Variants in WDR19 observed in about 807,000 individuals in gnomAD.
The protein encoded by WDR19 is WD repeat domain 19.
A neutral mutation model predicts 180.0 loss-of-function variants in WDR19; 121 were observed. That is an observed-to-expected ratio of 0.67 (90% CI 0.58 to 0.78). The LOEUF is 0.78. Ranked by LOEUF, WDR19 falls within the 30% of genes least tolerant of loss-of-function variation. The probability of loss-of-function intolerance (pLI) is 0.00; values close to 1 mark genes in which losing one functional copy is unlikely to be tolerated. For missense variants in WDR19, 1,450 were observed against 1,640.7 expected (o/e 0.88, Z 2.01); for synonymous variants, 497 against 540.7 (o/e 0.92, Z 1.12).
At chr4:39,264,305 C>T (rs187339773) in intron 28 of WDR19, among the ~76,000 whole-genome samples, 2 of 152,334 alleles carry the variant, frequency 1.3e-5, no homozygotes, top group East Asian at 3.8e-4. Flanking sequence ...CCAAAGCCAT[C>T]CACAGAAGCC....
At chr4:39,279,255 A>ATC (rs1189043045) in intron 36 of WDR19, among the ~76,000 whole-genome samples, 1 of 152,228 alleles carries the variant, frequency 6.6e-6, no homozygotes, top group Non-Finnish European at 1.5e-5. Context: ...CTGACACAGC[A>ATC]TCTCACACTT....
At position 39,277,096 on chromosome 4, in the gene WDR19, C is replaced by G; in HGVS notation, c.3793C>G (p.Leu1265Val). 6.2e-7 allele frequency: 1 copy of G among 1,613,890 alleles called. No homozygotes were observed. The highest frequency in any genetic ancestry group is 8.5e-7 in the Non-Finnish European group (1 of 1,179,834). ...CAAATTTCTTCTCCCAGAGTGTGAACTCCTCTGTCCTGGATGTAAAAACAG... is the reference window on the plus strand; with the variant it reads ...CAAATTTCTTCTCCCAGAGTGTGAAGTCCTCTGTCCTGGATGTAAAAACAG... ...FCKFLLPECELLCPGCKNSIP... is the reference protein window; with the variant it reads ...FCKFLLPECEVLCPGCKNSIP... Residue 1265 changes from leucine (L) to valine (V), a missense_variant, in exon 34 of 37, where the codon CTC becomes GTC. Coordinates refer to ENST00000399820, the MANE Select transcript of WDR19 (RefSeq NM_025132.4).
chr4:39,255,874 T>G lies in WDR19; in HGVS notation c.3028T>G (p.Tyr1010Asp). The change falls in exon 27 of 37, where the codon TAT becomes GAT. Residue 1010 changes from tyrosine (Y) to aspartate (D), a missense_variant. By Grantham distance (160) the Tyr-to-Asp change is radical. Transcript: ENST00000399820. ...IGSEDTTNEDYQSIALYFEGE... is the reference protein window; with the variant it reads ...IGSEDTTNEDDQSIALYFEGE... ...TTCTGAAGACACTACTAATGAAGAC[T>G]ATCAAAGCATTGCCTTATACTTTGA... The G allele has an allele frequency of 6.2e-7, 1 of 1,605,200 alleles. No homozygotes were observed. Among genetic ancestry groups the G allele is most frequent in the East Asian group, 2.2e-5 (1 of 44,742 alleles).
chr4:39,205,305 A>G, intron 8 of WDR19, 39 bp downstream of exon 8: 2 of 1,488,330 alleles, frequency 1.3e-6, no homozygotes, highest in South Asian at 1.2e-5. Context: ...AAAGCTCATT[A>G]CAGAAGGACA....
intron 14 of WDR19, among the ~76,000 whole-genome samples, chr4:39,222,135 G>A (rs1236425094): frequency 6.6e-6 from 1 of 152,108 alleles, no homozygotes; most frequent in East Asian, 1.9e-4. Flanking sequence ...GATGTGTAGT[G>A]GTATCATTGT....
At chr4:39,249,919 A>G (rs552521645) in intron 24 of WDR19, among the ~76,000 whole-genome samples, 1 of 152,308 alleles carries the variant, frequency 6.6e-6, no homozygotes, top group East Asian at 1.9e-4. Flanking sequence ...CAGAGGTACA[A>G]GGAGGAGCTG....
intron 28 of WDR19, among the ~76,000 whole-genome samples, chr4:39,262,424 A>G (rs1203028676): frequency 6.6e-6 from 1 of 152,058 alleles, no homozygotes; most frequent in Non-Finnish European, 1.5e-5. Context: ...TTATTTTTGT[A>G]GAGATGGGTT....
intron 14 of WDR19, among the ~76,000 whole-genome samples, chr4:39,224,273 G>A (rs1577922489): frequency 6.6e-6 from 1 of 152,044 alleles, no homozygotes. Context: ...GGTATTTCTA[G>A]CAAGTAGGAA....
At chr4:39,236,588 T>C (rs540498119) in intron 20 of WDR19, among the ~76,000 whole-genome samples, 6 of 152,200 alleles carry the variant, frequency 3.9e-5, no homozygotes, top group Non-Finnish European at 7.3e-5. Flanking sequence ...AGACCTCCAC[T>C]TGCACCTCAC....
In WDR19 at chr4:39,245,462, C is replaced by A; in HGVS notation, c.2729+10C>A. 4 of 1,610,514 alleles carry A rather than the reference C, an allele frequency of 2.5e-6. No individual in the cohort carries two copies. The highest frequency in any genetic ancestry group is 2.5e-6 in the Non-Finnish European group (3 of 1,177,614). ...AGGAAGCAGATGGAAGGTTTGTACA[C>A]TTTCTCAAATTTATACCAATTTAAA... On this transcript the variant is annotated intron_variant, in intron 24 of 36. Transcript: ENST00000399820.
chr4:39,274,868 C>G lies in WDR19; in HGVS notation c.3626C>G (p.Ser1209Cys), dbSNP rs1735744372. Residue 1209 changes from serine to cysteine, a missense_variant, in exon 33 of 37, where the codon TCT becomes TGT. Physicochemically the swap from Ser to Cys is moderately radical, Grantham distance 112. Coordinates refer to ENST00000399820, the MANE Select transcript of WDR19 (RefSeq NM_025132.4). ...TGTCACAGGGCAGGCCTGAAGAACT[C>G]TGCTTTCAGCTTCGCAGCTATGTTG... Reference protein sequence around the residue: ...IECHRAGLKNSAFSFAAMLMR... With the variant: ...IECHRAGLKNCAFSFAAMLMR... 1.9e-6 allele frequency: 3 copies of G among 1,613,916 alleles called. No individual in the cohort carries two copies. The highest frequency in any genetic ancestry group is 2.5e-6 in the Non-Finnish European group (3 of 1,179,900).
At chr4:39,197,425 CAAAA>C (rs11343008) in intron 5 of WDR19, among the ~76,000 whole-genome samples, 5,619 of 113,304 alleles carry the variant, frequency 0.05, 329 homozygotes, top group African/African-American at 0.18. Flanking sequence ...GACTCTATCT[CAAAA>C]AAAAAAAAAA....
At chr4:39,240,679 C>T (rs541272030) in intron 21 of WDR19, among the ~76,000 whole-genome samples, 40 of 152,006 alleles carry the variant, frequency 2.6e-4, no homozygotes, top group African/African-American at 8.0e-4. Context: ...AGGCTGGACG[C>T]GGTGGCTCAC....
chr4:39,275,114 C>G (rs955736153), intron 33 of WDR19, 156 bp downstream of exon 33: 2 of 907,332 alleles, frequency 2.2e-6, no homozygotes, highest in Non-Finnish European at 1.7e-6. Flanking sequence ...CTGAGGTGGA[C>G]AAATCACTTG....
chr4:39,279,949 G>A (rs888467858), intron 36 of WDR19, among the ~76,000 whole-genome samples: 2 of 151,640 alleles, frequency 1.3e-5, no homozygotes, highest in African/African-American at 2.4e-5. Flanking sequence ...GCGATTCGCC[G>A]GCCTCAGCCT....
chr4:39,189,454 T>A (rs944216183), intron 3 of WDR19, among the ~76,000 whole-genome samples: 11 of 152,186 alleles, frequency 7.2e-5, no homozygotes, highest in Non-Finnish European at 1.3e-4. Flanking sequence ...AGTAAAATTT[T>A]AAATTTTACC....
intron 15 of WDR19, among the ~76,000 whole-genome samples, chr4:39,225,935 C>A (rs1159346303): frequency 6.6e-6 from 1 of 151,998 alleles, no homozygotes. Flanking sequence ...TGCCAAATTC[C>A]TAATCTGCTA....
intron 33 of WDR19, among the ~76,000 whole-genome samples, chr4:39,275,571 C>T (rs1735816874): frequency 6.6e-6 from 1 of 152,152 alleles, no homozygotes; most frequent in South Asian, 2.1e-4. Context: ...ACATCTGCCA[C>T]ACCCCCAGAC....
intron 10 of WDR19, among the ~76,000 whole-genome samples, chr4:39,214,992 C>T (rs1265792575): frequency 3.9e-5 from 6 of 152,102 alleles, no homozygotes; most frequent in Non-Finnish European, 8.8e-5. Context: ...AGGCTGGTCT[C>T]GAACTGCTGA....
Sources: allele counts gnomAD v4.1 joint callset (sites outside exome capture counted in the v4.1 genomes callset), GRCh38; gene constraint gnomAD v4.1.1; transcripts MANE v1.5; gene names NCBI Gene and HGNC (gene_info 2026-07-23, HGNC 2026-07-21).